Variants in CD163L1 observed in about 807,000 individuals in gnomAD.
CD163L1 encodes the protein scavenger receptor cysteine-rich type 1 protein M160.
In CD163L1, 124 loss-of-function variants were observed where a neutral mutation model predicts 165.4. The ratio of observed to expected loss-of-function variants is 0.75; its 90% CI spans 0.65 to 0.87. The LOEUF is 0.87. CD163L1 is among the 40% of genes least tolerant of loss of function. The probability of loss-of-function intolerance (pLI) is 0.00; values close to 1 mark genes in which losing one functional copy is unlikely to be tolerated. For synonymous variants in CD163L1, 585 were observed against 662.2 expected (o/e 0.88, Z 1.79); for missense variants, 1,525 against 1,799.9 (o/e 0.85, Z 2.76).
chr12:7,325,223 G>T, the CD163L1 span, among the ~76,000 whole-genome samples: 1 of 152,240 alleles, frequency 6.6e-6, no homozygotes, highest in African/African-American at 2.4e-5. Flanking sequence ...AGAAGTTAGG[G>T]TAATACTCCA....
At chr12:7,411,987 A>G (rs1204893524) in intron 4 of CD163L1, among the ~76,000 whole-genome samples, 1 of 152,162 alleles carries the variant, frequency 6.6e-6, no homozygotes, top group Non-Finnish European at 1.5e-5. Context: ...ACTTCTTCAC[A>G]TTGGTTACTT....
chr12:7,421,123 ATATATACG>A (rs1304556590), intron 4 of CD163L1, among the ~76,000 whole-genome samples: 1 of 16,728 alleles, frequency 6.0e-5, no homozygotes, highest in African/African-American at 2.2e-4. Flanking sequence ...AAGAAAATGT[ATATATACG>A]TATATATGTA....
chr12:7,338,469 C>G, the CD163L1 span, among the ~76,000 whole-genome samples: 2 of 152,054 alleles, frequency 1.3e-5, no homozygotes, highest in Non-Finnish European at 2.9e-5. Context: ...AACTTGAAGT[C>G]TTTATTCAGG....
the CD163L1 span, among the ~76,000 whole-genome samples, chr12:7,331,353 C>G: frequency 6.6e-6 from 1 of 152,254 alleles, no homozygotes; most frequent in Non-Finnish European, 1.5e-5. Flanking sequence ...GGCTCCACCT[C>G]TGGGGGCAGG....
chr12:7,379,702 A>C (rs910509164), intron 8 of CD163L1, among the ~76,000 whole-genome samples: 1 of 152,182 alleles, frequency 6.6e-6, no homozygotes. Flanking sequence ...GATATAATTT[A>C]ATGAAAAGTC....
the CD163L1 span, chr12:7,323,412 T>C: frequency 4.3e-4 from 687 of 1,605,326 alleles, 3 homozygotes; most frequent in African/African-American, 7.9e-3. Context: ...GCTTTCATTT[T>C]TGTGAAAAGA....
At chr12:7,384,640 T>G (rs1947478210) in intron 8 of CD163L1, among the ~76,000 whole-genome samples, 1 of 152,118 alleles carries the variant, frequency 6.6e-6, no homozygotes, top group Non-Finnish European at 1.5e-5. Context: ...AAAGGTATGG[T>G]GTATTCAAAG....
In CD163L1 at chr12:7,433,358, CTAGT is replaced by C. The variant is rs900022709; in HGVS notation, c.445+12_445+15del. 16 of 1,562,982 alleles carry C rather than the reference CTAGT, an allele frequency of 1.0e-5. No homozygotes were observed. Among genetic ancestry groups the C allele is most frequent in the Non-Finnish European group, 1.4e-5 (16 of 1,152,752 alleles). On this transcript the variant is annotated intron_variant, in intron 3 of 19. Transcript: ENST00000313599. ...GTAGGTCTTACCTTGCCTTCCTACT[CTAGT>C]TAGACTCTTACCATAACAGTTCACA...
Position 7,369,568 on chromosome 12 carries a change from G to T in CD163L1, c.3828C>A (p.Asp1276Glu). The change falls in exon 15 of 20, where the codon GAC becomes GAA. Residue 1276 changes from aspartate to glutamate, a missense_variant. Asp to Glu is a conservative substitution (Grantham distance 45). Coordinates refer to ENST00000313599, the MANE Select transcript of CD163L1 (RefSeq NM_174941.6). The surrounding 1 kb of genome is among the most constrained non-coding windows in gnomAD (Gnocchi z 4.9). ...SWGTVCDDSW[D>E]LAEAEVVCQQ... ...GACACACCACTTCCGCCTCGGCCAG[G>T]TCCCAGGAGTCATCACACACTGTGC... 1 of 1,614,140 alleles carries T rather than the reference G, an allele frequency of 6.2e-7. No homozygotes were observed. The highest frequency in any genetic ancestry group is 8.5e-7 in the Non-Finnish European group (1 of 1,180,030).
intron 2 of CD163L1, among the ~76,000 whole-genome samples, chr12:7,437,609 G>C (rs900166848): frequency 1.3e-5 from 2 of 150,470 alleles, no homozygotes; most frequent in African/African-American, 4.9e-5. Context: ...CCTTGTGATA[G>C]TCTGCTCAGA....
intron 2 of CD163L1, chr12:7,440,026 C>T (rs1467108418): frequency 3.7e-6 from 5 of 1,345,984 alleles, no homozygotes; most frequent in Admixed American, 3.9e-5. Context: ...AAACCCGCTG[C>T]GACACACACC....
intron 14 of CD163L1, among the ~76,000 whole-genome samples, chr12:7,370,351 T>C (rs1441580528): frequency 6.6e-6 from 1 of 152,212 alleles, no homozygotes; most frequent in African/African-American, 2.4e-5. Flanking sequence ...ATCCTCAATA[T>C]TTTAGAATGA....
intron 4 of CD163L1, among the ~76,000 whole-genome samples, chr12:7,416,171 A>C (rs1033857742): frequency 3.3e-5 from 5 of 152,148 alleles, no homozygotes; most frequent in African/African-American, 1.2e-4. Flanking sequence ...TTCTCAGACG[A>C]CCAGTGATGA....
chr12:7,375,797 C>T lies in CD163L1; in HGVS notation c.2589G>A (p.Gln863=), dbSNP rs769586123. ...GNGLTWAEKF[Q]CEGSETHLAL... is the part of the protein sequence containing the mutation. ...CAAGGTGAGTTTCACTCCCTTCACA[C>T]TGGAACTTTTCGGCCCAAGTTAGAC... Residue 863 remains glutamine (Q), a synonymous_variant, in exon 10 of 20, where the codon CAG becomes CAA. Coordinates refer to ENST00000313599, the MANE Select transcript of CD163L1 (RefSeq NM_174941.6). 7.4e-6 allele frequency: 12 copies of T among 1,614,134 alleles called. No individual in the cohort carries two copies. The highest frequency in any genetic ancestry group is 9.3e-6 in the Non-Finnish European group (11 of 1,180,054).
At chr12:7,426,671 T>C (rs6488291) in intron 4 of CD163L1, among the ~76,000 whole-genome samples, 18,762 of 152,092 alleles carry the variant, frequency 0.12, 1,674 homozygotes, top group African/African-American at 0.24. Context: ...CAAACCGCCC[T>C]GGCACATGTC....
chr12:7,403,901 T>C, intron 5 of CD163L1, 46 bp from the exon 6 acceptor site: 1 of 1,537,682 alleles, frequency 6.5e-7, no homozygotes, highest in Non-Finnish European at 8.9e-7. Context: ...TTTGGGACAA[T>C]ATCATCAGCA....
At chr12:7,367,772 T>C (rs1423592298) in intron 17 of CD163L1, among the ~76,000 whole-genome samples, 1 of 152,240 alleles carries the variant, frequency 6.6e-6, no homozygotes, top group Non-Finnish European at 1.5e-5. Flanking sequence ...ACATTTTCTA[T>C]TGGCTATTTC....
chr12:7,414,220 A>T (rs1948193721), intron 4 of CD163L1, among the ~76,000 whole-genome samples: 1 of 152,222 alleles, frequency 6.6e-6, no homozygotes, highest in African/African-American at 2.4e-5. Flanking sequence ...ACTAAATAAA[A>T]TCAGGAAAAT....
chr12:7,440,360 C>G (rs909738508), intron 2 of CD163L1, among the ~76,000 whole-genome samples: 3 of 151,418 alleles, frequency 2.0e-5, no homozygotes, highest in Admixed American at 6.6e-5. Flanking sequence ...GCCATCCCCC[C>G]ACCGCCGCAC....
Sources: allele counts gnomAD v4.1 joint callset (sites outside exome capture counted in the v4.1 genomes callset), GRCh38; gene constraint gnomAD v4.1.1; non-coding constraint Gnocchi (gnomAD v3.1); transcripts MANE v1.5; gene names NCBI Gene and HGNC (gene_info 2026-07-23, HGNC 2026-07-21).